HS6ST2: variants seen among roughly 807,000 people sequenced by gnomAD.
HS6ST2 encodes heparan-sulfate 6-O-sulfotransferase 2.
In HS6ST2, 17 loss-of-function variants were observed where a neutral mutation model predicts 33.0. That is an observed-to-expected ratio of 0.52 (90% CI 0.35 to 0.77). HS6ST2 has a LOEUF of 0.77. Among genes scored for constraint, HS6ST2 ranks in the 30% least tolerant of loss-of-function variants. HS6ST2 has a pLI of 0.01. For synonymous variants in HS6ST2, 248 were observed against 237.1 expected, an observed-to-expected ratio of 1.05 and a Z score of -0.42; for missense variants, 519 against 551.7, an observed-to-expected ratio of 0.94 and a Z score of 0.59.
chrX:132,903,886 T>C (rs748774041), intron 2 of HS6ST2, among the ~76,000 whole-genome samples: 2 of 112,434 alleles, frequency 1.8e-5, no homozygotes, highest in Admixed American at 1.9e-4. Context: ...GTTGCAGTAA[T>C]TGATATGCTC....
At chrX:132,957,422 C>A in intron 1 of HS6ST2, 96 bp from the exon 2 acceptor site, 1 of 913,283 alleles carries the variant, frequency 1.1e-6, no homozygotes, top group South Asian at 2.6e-5. Context: ...CGCTGCTGCG[C>A]CCCTCTCCCC....
At chrX:132,904,211 T>C (rs2066450510) in intron 2 of HS6ST2, among the ~76,000 whole-genome samples, 2 of 112,648 alleles carry the variant, frequency 1.8e-5, no homozygotes, top group South Asian at 3.7e-4. Flanking sequence ...GTTTCTCCTG[T>C]TTATGAACTT....
At chrX:132,720,295 C>T (rs2064316906) in intron 2 of HS6ST2, among the ~76,000 whole-genome samples, 1 of 111,917 alleles carries the variant, frequency 8.9e-6, no homozygotes, top group Non-Finnish European at 1.9e-5. Context: ...ATATATCCTA[C>T]AGGCAGTGCA....
At chrX:132,959,821 T>C (rs1452686519), upstream of HS6ST2, among the ~76,000 whole-genome samples, 1 of 111,994 alleles carries the variant, frequency 8.9e-6, no homozygotes, top group Non-Finnish European at 1.9e-5. Context: ...ACTCCAAATG[T>C]GAGGCTGTGT....
intron 2 of HS6ST2, among the ~76,000 whole-genome samples, chrX:132,934,003 A>C (rs1360837868): frequency 9.0e-6 from 1 of 111,090 alleles, no homozygotes; most frequent in Non-Finnish European, 1.9e-5. Flanking sequence ...AGCAAGTGGG[A>C]CCAGGTGGTA....
At chrX:132,709,841 A>ACACACACACACACAC (rs1569482883) in intron 2 of HS6ST2, among the ~76,000 whole-genome samples, 1 of 109,920 alleles carries the variant, frequency 9.1e-6, no homozygotes, top group African/African-American at 3.3e-5. Flanking sequence ...ACACACACAC[A>ACACACACACACACAC]AGAAAATATT....
chrX:132,672,609 C>A (rs1010781087), intron 3 of HS6ST2, among the ~76,000 whole-genome samples: 3 of 111,957 alleles, frequency 2.7e-5, no homozygotes, highest in African/African-American at 9.7e-5. Flanking sequence ...AGGTGAGTTT[C>A]TGTTGGGAAA....
chrX:132,724,714 AAG>A (rs2064375694), intron 2 of HS6ST2, among the ~76,000 whole-genome samples: 1 of 112,098 alleles, frequency 8.9e-6, no homozygotes, highest in South Asian at 3.7e-4. Context: ...CCTAAGCAAA[AAG>A]AACAAAACTG....
chrX:132,908,162 G>A (rs1476848355), intron 2 of HS6ST2, among the ~76,000 whole-genome samples: 2 of 112,229 alleles, frequency 1.8e-5, no homozygotes, highest in African/African-American at 6.5e-5. Context: ...AGATAAAGAT[G>A]ATCAATATAA....
intron 2 of HS6ST2, among the ~76,000 whole-genome samples, chrX:132,840,122 A>T (rs189630744): frequency 4.1e-4 from 46 of 111,384 alleles, no homozygotes; most frequent in Admixed American, 1.1e-3. Flanking sequence ...TCTCAAAAAA[A>T]AATAATAAAT....
At chrX:132,700,897 G>A (rs181582514) in intron 3 of HS6ST2, among the ~76,000 whole-genome samples, 1 of 110,867 alleles carries the variant, frequency 9.0e-6, no homozygotes, top group African/African-American at 3.3e-5. Flanking sequence ...ACCTCTATGC[G>A]ATCCTGTACT....
rs1022753890 is a variant in HS6ST2, at chrX:132,669,518, A to G, written c.981-319T>C. 2.6e-5 allele frequency: 4 copies of G among 154,272 alleles called. No homozygotes were observed. The Admixed American group carries it at 3.4e-4, about 13-fold the overall frequency. The allele number at this position is 154,272 out of a possible 1,213,427, so 12.7% of individuals were successfully genotyped here. On this transcript the variant is annotated intron_variant, in intron 3 of 4. Transcript: ENST00000370833. ...GGGGGCCTCTAGTTTTAAAAAAAAA[A>G]GTATAAAAATAACTAGTCTTTAAAA...
chrX:132,632,026 T>C (rs1386267716), intron 4 of HS6ST2, among the ~76,000 whole-genome samples: 1 of 110,771 alleles, frequency 9.0e-6, no homozygotes, highest in African/African-American at 3.3e-5. Flanking sequence ...TGCATTCAAC[T>C]TGAAGGTCAC....
At chrX:132,864,433 G>A (rs1236493227) in intron 2 of HS6ST2, among the ~76,000 whole-genome samples, 1 of 107,523 alleles carries the variant, frequency 9.3e-6, no homozygotes, top group African/African-American at 3.4e-5. Flanking sequence ...TGAAAACACA[G>A]CATGAGAACT....
In HS6ST2 at chrX:132,950,376, T is replaced by C. The variant is rs931029280; in HGVS notation, c.947+6432A>G. Among the ~76,000 whole-genome samples, 4 of 112,408 alleles carry C rather than the reference T, an allele frequency of 3.6e-5. No individual in the cohort carries two copies. In the East Asian group the frequency reaches 1.1e-3, roughly 31 times the overall value. ...ATCCCAGAAAAGAAATTATGGGTCATAGAAATAAATATTTTTATATTCTGT... is the reference window on the plus strand; with the variant it reads ...ATCCCAGAAAAGAAATTATGGGTCACAGAAATAAATATTTTTATATTCTGT... On this transcript the variant is annotated intron_variant, in intron 2 of 4. Coordinates refer to ENST00000370833, the MANE Select transcript of HS6ST2 (RefSeq NM_001394073.1).
intron 2 of HS6ST2, among the ~76,000 whole-genome samples, chrX:132,753,159 C>T (rs1314024529): frequency 8.9e-6 from 1 of 111,927 alleles, no homozygotes; most frequent in East Asian, 2.8e-4. Context: ...GGCTTCCAAC[C>T]ACTGCCTCTT....
intron 3 of HS6ST2, among the ~76,000 whole-genome samples, chrX:132,681,143 A>C (rs1471486505): frequency 8.9e-6 from 1 of 111,756 alleles, no homozygotes; most frequent in Non-Finnish European, 1.9e-5. Flanking sequence ...TTGTAATTAC[A>C]TGCAACCTGT....
At chrX:132,804,144 A>C (rs757886662) in intron 2 of HS6ST2, among the ~76,000 whole-genome samples, 2 of 112,486 alleles carry the variant, frequency 1.8e-5, no homozygotes, top group African/African-American at 6.5e-5. Flanking sequence ...GTGTGACTCC[A>C]GTGAATAAAT....
chrX:132,914,368 G>T (rs1262162123), intron 2 of HS6ST2, among the ~76,000 whole-genome samples: 1 of 111,807 alleles, frequency 8.9e-6, no homozygotes, highest in African/African-American at 3.3e-5. Flanking sequence ...AGGCAAAAAG[G>T]GGACCTCATC....
Sources: allele counts gnomAD v4.1 joint callset (sites outside exome capture counted in the v4.1 genomes callset), GRCh38; gene constraint gnomAD v4.1.1; transcripts MANE v1.5; gene names NCBI Gene and HGNC (gene_info 2026-07-23, HGNC 2026-07-21).